DTX3L: variants seen among roughly 807,000 people sequenced by gnomAD.
DTX3L encodes the protein deltex E3 ubiquitin ligase 3L.
DTX3L carries 34 observed loss-of-function variants against 60.9 expected under a neutral mutation model. That is an observed-to-expected ratio of 0.56 (90% CI 0.42 to 0.74). The LOEUF (loss-of-function observed/expected upper bound fraction) is 0.74. Among genes scored for constraint, DTX3L ranks in the 30% least tolerant of loss-of-function variants. The pLI is 0.00. For synonymous variants in DTX3L, 290 were observed against 316.6 expected, an observed-to-expected ratio of 0.92 and a Z score of 0.89; for missense variants, 810 against 874.0, an observed-to-expected ratio of 0.93 and a Z score of 0.92.
At chr3:122,567,259 C>T (rs1559901779) in intron 2 of DTX3L, among the ~76,000 whole-genome samples, 1 of 151,958 alleles carries the variant, frequency 6.6e-6, no homozygotes, top group Non-Finnish European at 1.5e-5. Context: ...GGGGAGAGGG[C>T]GATCTGGTTT....
intron 2 of DTX3L, among the ~76,000 whole-genome samples, chr3:122,566,842 G>C (rs562467491): frequency 6.6e-6 from 1 of 152,068 alleles, no homozygotes; most frequent in Non-Finnish European, 1.5e-5. Context: ...TTCCAGGGAC[G>C]GCACCTTCTA....
intron 3 of DTX3L, 94 bp downstream of exon 3, chr3:122,570,118 C>T (rs765093000): frequency 1.1e-5 from 14 of 1,332,144 alleles, no homozygotes; most frequent in Non-Finnish European, 1.3e-5. Flanking sequence ...CAATAGATTT[C>T]CCAAGGAATT....
chr3:122,570,419 A>T, intron 3 of DTX3L, 36 bp from the exon 4 acceptor site: 1 of 1,602,950 alleles, frequency 6.2e-7, no homozygotes, highest in Non-Finnish European at 8.5e-7. Flanking sequence ...TAGACAGGGC[A>T]CTCTTTTCAC....
At chr3:122,566,261 C>G (rs1167337611) in intron 2 of DTX3L, among the ~76,000 whole-genome samples, 191 bp downstream of exon 2, 1 of 152,192 alleles carries the variant, frequency 6.6e-6, no homozygotes, top group Non-Finnish European at 1.5e-5. Context: ...GGGGCCAGGT[C>G]ATGCACAGAA....
Position 122,569,525 on chromosome 3 carries a change from C to A in DTX3L, c.1436C>A (p.Pro479Gln). 6.2e-7 allele frequency: 1 copy of A among 1,614,146 alleles called. No homozygotes were observed. Among genetic ancestry groups the A allele is most frequent in the Non-Finnish European group, 8.5e-7 (1 of 1,180,022 alleles). Reference sequence around the variant, plus strand: ...GCTGATGACTTTAGAAAAAGACATCCAAATGTACACTTTGTGCTAAATCAA... The same window carrying A: ...GCTGATGACTTTAGAAAAAGACATCAAAATGTACACTTTGTGCTAAATCAA... Reference protein sequence around the residue: ...KFADDFRKRHPNVHFVLNQES... With the variant: ...KFADDFRKRHQNVHFVLNQES... The change falls in exon 3 of 5, where the codon CCA (proline) becomes CAA (glutamine). Residue 479 changes from proline (P) to glutamine (Q), a missense_variant. Physicochemically the swap from Pro to Gln is moderately conservative, Grantham distance 76. Coordinates refer to ENST00000296161, the MANE Select transcript of DTX3L (RefSeq NM_138287.3).
At position 122,564,351 on chromosome 3, in the gene DTX3L, C is replaced by T; in HGVS notation, c.-76C>T. On this transcript the variant is annotated 5_prime_UTR_variant, in exon 1 of 5. Transcript: ENST00000296161. ...GGAAGCGAAACTGAAACTTTGCGCC[C>T]AGTCCGCAGGGCGGGCCGCGCCTTT... 2.7e-6 allele frequency: 4 copies of T among 1,477,050 alleles called. No individual in the cohort carries two copies. Among genetic ancestry groups the T allele is most frequent in the Non-Finnish European group, 3.6e-6 (4 of 1,106,140 alleles). 91.5% of individuals were successfully genotyped at this position (1,477,050 alleles called of 1,614,324 possible). A position where few individuals can be genotyped will look rare whatever the true frequency, so the allele number is the denominator to read the frequency against.
Position 122,568,685 on chromosome 3 carries a change from A to C in DTX3L, c.596A>C (p.Gln199Pro), listed in dbSNP as rs2080621857. 1 of 1,614,098 alleles carries C rather than the reference A, an allele frequency of 6.2e-7. No homozygotes were observed. Among genetic ancestry groups the C allele is most frequent in the African/African-American group, 1.3e-5 (1 of 74,934 alleles). Residue 199 changes from glutamine to proline, a missense_variant, in exon 3 of 5, where the codon CAA becomes CCA. Physicochemically the swap from Gln to Pro is moderately conservative, Grantham distance 76. Coordinates refer to ENST00000296161, the MANE Select transcript of DTX3L (RefSeq NM_138287.3). ...SEQFLESEQK[Q>P]QFSPSMTERK... is the part of the protein sequence containing the mutation. ...CAGTTCCTGGAAAGTGAGCAGAAAC[A>C]ACAATTTTCCCCTTCAATGACAGAG...
In DTX3L at chr3:122,574,980, ATTATAG is replaced by A. The variant is rs1559907625; in HGVS notation, c.*3238_*3243del. ...TTGGTGATTCATTAAATTCTTTACT[ATTATAG>A]TTATTTTCTAGCTGTTCATCTTTTA... On this transcript the variant is annotated 3_prime_UTR_variant, in exon 5 of 5. Transcript: ENST00000296161. 1 of 152,194 alleles carries A rather than the reference ATTATAG, an allele frequency of 6.6e-6. No individual in the cohort carries two copies. The allele number at this position is 152,194 out of a possible 1,614,324, so 9.4% of individuals were successfully genotyped here. A position where few individuals can be genotyped will look rare whatever the true frequency, so the allele number is the denominator to read the frequency against.
At position 122,566,112 on chromosome 3, in the gene DTX3L, C is replaced by T. The variant is rs762070742; in HGVS notation, c.399+42C>T. On this transcript the variant is annotated intron_variant, in intron 2 of 4. Coordinates refer to ENST00000296161, the MANE Select transcript of DTX3L (RefSeq NM_138287.3). ...GGAGCTGGCTGTGCCTGCGCCTCCT[C>T]TCCAGTCACCAGCCTCATGTATTAT... 1.6e-5 allele frequency: 24 copies of T among 1,540,452 alleles called. No individual in the cohort carries two copies. The Admixed American group carries it at 3.5e-4, about 23-fold the overall frequency.
rs572814333 is a variant in DTX3L, at chr3:122,571,947, C to T, written c.*200C>T. ...TTTTTTGAGACGGAGTCTGCTCTGT[C>T]GCTCGCGCTGGAGTGCAGTGGCATG... On this transcript the variant is annotated 3_prime_UTR_variant, in exon 5 of 5. Coordinates refer to ENST00000296161, the MANE Select transcript of DTX3L (RefSeq NM_138287.3). 1.1e-4 allele frequency: 44 copies of T among 416,648 alleles called. No individual in the cohort carries two copies. The highest frequency in any genetic ancestry group is 1.6e-4 in the South Asian group (5 of 31,182). The allele number at this position is 416,648 out of a possible 1,614,324, so 25.8% of individuals were successfully genotyped here.
Position 122,569,575 on chromosome 3 carries a change from C to A in DTX3L, c.1486C>A (p.Pro496Thr). The A allele has an allele frequency of 6.2e-7, 1 of 1,614,162 alleles. No homozygotes were observed. The highest frequency in any genetic ancestry group is 8.5e-7 in the Non-Finnish European group (1 of 1,180,016). ...AGAGTCAATGACTTTGACTGGTTTGCCAAATCACCTTGCAAAGGCGAAGCA... is the reference window on the plus strand; with the variant it reads ...AGAGTCAATGACTTTGACTGGTTTGACAAATCACCTTGCAAAGGCGAAGCA... ...NQESMTLTGL[P>T]NHLAKAKQYV... The change falls in exon 3 of 5, where the codon CCA becomes ACA. Residue 496 changes from proline (P) to threonine (T), a missense_variant. Pro to Thr is a conservative substitution (Grantham distance 38). Transcript: ENST00000296161.
At position 122,569,766 on chromosome 3, in the gene DTX3L, C is replaced by A. The variant is rs9825810; in HGVS notation, c.1677C>A (p.Gly559=). ...CAGAACTGGACAAGAAGGAAAAGGGCATCTGTGTCATCTGTATGGACACCA... is the reference window on the plus strand; with the variant it reads ...CAGAACTGGACAAGAAGGAAAAGGGAATCTGTGTCATCTGTATGGACACCA... The part of the protein sequence containing the change: ...EASELDKKEK[G]ICVICMDTIS... The change falls in exon 3 of 5, where the codon GGC becomes GGA. Residue 559 remains glycine (G), a synonymous_variant. Transcript: ENST00000296161. 5,891 of 1,614,086 alleles carry A rather than the reference C, an allele frequency of 3.6e-3. 174 individuals carry two copies. In the African/African-American group the frequency reaches 0.067, roughly 18 times the overall value.
rs564779889 is a variant in DTX3L, at chr3:122,569,450, T to C, written c.1361T>C (p.Leu454Ser). ...ASCQLMREVL[L>S]LKSLGKERKH... ...TGTCAGTTGATGAGAGAAGTTCTTT[T>C]ACTGAAGTCTTTGGGCAAGGAGAGA... Residue 454 changes from leucine (L) to serine (S), a missense_variant, in exon 3 of 5, where the codon TTA becomes TCA. Coordinates refer to ENST00000296161, the MANE Select transcript of DTX3L (RefSeq NM_138287.3). The C allele has an allele frequency of 2.5e-6, 4 of 1,614,212 alleles. No homozygotes were observed. The Admixed American group carries it at 5.0e-5, about 20-fold the overall frequency.
intron 2 of DTX3L, among the ~76,000 whole-genome samples, chr3:122,566,365 T>G (rs2107780380): frequency 7.2e-6 from 1 of 139,342 alleles, no homozygotes; most frequent in South Asian, 2.3e-4. Flanking sequence ...GGGGGTGGTG[T>G]TACTTCTTTT....
rs1397557659 is a variant in DTX3L, at chr3:122,568,659, G to C, written c.570G>C (p.Glu190Asp). The C allele has an allele frequency of 6.2e-7, 1 of 1,614,064 alleles. No homozygotes were observed. Among genetic ancestry groups the C allele is most frequent in the Non-Finnish European group, 8.5e-7 (1 of 1,180,046 alleles). The part of the protein sequence containing the change: ...DIERIHQFLS[E>D]QFLESEQKQQ... The stretch of plus-strand genomic sequence containing the variant: ...AAAGAATACATCAATTTTTGAGTGA[G>C]CAGTTCCTGGAAAGTGAGCAGAAAC... Residue 190 changes from glutamate to aspartate, a missense_variant, in exon 3 of 5, where the codon GAG becomes GAC. Glu to Asp is a conservative substitution (Grantham distance 45, BLOSUM62 2). Transcript: ENST00000296161.
Position 122,568,538 on chromosome 3 carries a change from A to G in DTX3L, c.449A>G (p.Glu150Gly), listed in dbSNP as rs755466886. ...CTGAACTGTAACCTGTTCTCCAAAG[A>G]GCAGAGGGCATACATAACCACACTG... is the stretch of plus-strand genomic sequence containing the variant. Reference protein sequence around the residue: ...ADLNCNLFSKEQRAYITTLCP... With the variant: ...ADLNCNLFSKGQRAYITTLCP... The change falls in exon 3 of 5, where the codon GAG becomes GGG. Residue 150 changes from glutamate to glycine, a missense_variant. Coordinates refer to ENST00000296161, the MANE Select transcript of DTX3L (RefSeq NM_138287.3). 4.5e-5 allele frequency: 72 copies of G among 1,613,900 alleles called. No individual in the cohort carries two copies. Among genetic ancestry groups the G allele is most frequent in the Non-Finnish European group, 5.9e-5 (70 of 1,179,988 alleles).
intron 2 of DTX3L, among the ~76,000 whole-genome samples, chr3:122,567,780 C>G (rs1214514575): frequency 3.3e-5 from 5 of 152,194 alleles, no homozygotes; most frequent in African/African-American, 1.2e-4. Flanking sequence ...CAGGTGCCTT[C>G]CCTTGACTGC....
chr3:122,571,569 T>G (rs2080646036), intron 4 of DTX3L, 109 bp from the exon 5 acceptor site: 1 of 814,924 alleles, frequency 1.2e-6, no homozygotes, highest in African/African-American at 1.7e-5. Context: ...TCAGGATTAC[T>G]TGTGAATGTT....
In DTX3L at chr3:122,570,022, A is replaced by C; in HGVS notation, c.1933A>C (p.Thr645Pro). 2 of 1,613,640 alleles carry C rather than the reference A, an allele frequency of 1.2e-6. No homozygotes were observed. The highest frequency in any genetic ancestry group is 1.7e-6 in the Non-Finnish European group (2 of 1,179,996). ...TTATTCTATGAAAGCAGGCATACAA[A>C]CAGTAAGTATTTCTCAAGTCCATGG... The part of the protein sequence containing the change: ...ITYSMKAGIQ[T>P]EEHPNPGKRY... The change falls in exon 3 of 5, where the codon ACA becomes CCA. Residue 645 changes from threonine to proline, a missense_variant and splice_region_variant. Transcript: ENST00000296161.
Sources: gnomAD v4.1 joint callset for allele counts (sites outside exome capture counted in the v4.1 genomes callset) on GRCh38, gnomAD v4.1.1 for gene constraint, MANE v1.5 for transcripts, NCBI Gene and HGNC (gene_info 2026-07-23, HGNC 2026-07-21) for gene names.